The following PRKN variants were observed in gnomAD, a reference collection of about 807,000 sequenced individuals.
The protein encoded by PRKN is parkin RBR E3 ubiquitin protein ligase.
In PRKN, 56 loss-of-function variants were observed where a neutral mutation model predicts 59.5. The observed-to-expected ratio is 0.94, with a 90% CI of 0.76 to 1.18. PRKN has a LOEUF of 1.18. PRKN is among the 50% of genes most tolerant of loss of function. The probability of loss-of-function intolerance (pLI) is 0.00; values close to 1 mark genes in which losing one functional copy is unlikely to be tolerated. For synonymous variants in PRKN, 250 were observed against 222.1 expected (o/e 1.13, Z -1.12); for missense variants, 657 against 596.4 (o/e 1.10, Z -1.06).
intron 1 of PRKN, among the ~76,000 whole-genome samples, chr6:162,604,703 T>G (rs1439882656): frequency 6.6e-6 from 1 of 151,166 alleles, no homozygotes; most frequent in Non-Finnish European, 1.5e-5. Flanking sequence ...TCTCCTTTTT[T>G]TTTTTTTTTT....
intron 3 of PRKN, among the ~76,000 whole-genome samples, chr6:162,226,997 G>A (rs1466139882): frequency 2.0e-5 from 3 of 152,160 alleles, no homozygotes; most frequent in Non-Finnish European, 2.9e-5. Flanking sequence ...AGAAAGTGCT[G>A]ACAGCCGGCT....
intron 2 of PRKN, among the ~76,000 whole-genome samples, chr6:162,414,091 G>T (rs1788488483): frequency 6.6e-6 from 1 of 152,144 alleles, no homozygotes; most frequent in Non-Finnish European, 1.5e-5. Flanking sequence ...GCTGAAGCAG[G>T]AGAATTGCCC....
chr6:161,988,311 A>C (rs1416655965), intron 5 of PRKN, among the ~76,000 whole-genome samples: 1 of 152,064 alleles, frequency 6.6e-6, no homozygotes, highest in East Asian at 1.9e-4. Context: ...ACGTGGTGAA[A>C]ACCCGTCTCT....
chr6:161,729,990 C>G (rs1203909866), intron 7 of PRKN, among the ~76,000 whole-genome samples: 5 of 151,534 alleles, frequency 3.3e-5, no homozygotes, highest in Admixed American at 2.0e-4. Context: ...TGATGTGTTG[C>G]ATTCTGATAT....
chr6:162,116,879 T>G (rs1415809492), intron 4 of PRKN, among the ~76,000 whole-genome samples: 1 of 152,160 alleles, frequency 6.6e-6, no homozygotes, highest in Non-Finnish European at 1.5e-5. Flanking sequence ...ACTGCAAAGA[T>G]CAAATAATAA....
chr6:162,654,018 C>A (rs1778546915), intron 1 of PRKN, among the ~76,000 whole-genome samples: 1 of 152,196 alleles, frequency 6.6e-6, no homozygotes, highest in African/African-American at 2.4e-5. Context: ...AGGTACTTCA[C>A]ATAAAGTAAG....
At chr6:162,564,775 G>A (rs1779990256) in intron 1 of PRKN, among the ~76,000 whole-genome samples, 1 of 151,164 alleles carries the variant, frequency 6.6e-6, no homozygotes. Context: ...AAACATGAAG[G>A]AGAAATAAAG....
At chr6:162,008,427 A>C (rs1278981926) in intron 5 of PRKN, among the ~76,000 whole-genome samples, 1 of 152,160 alleles carries the variant, frequency 6.6e-6, no homozygotes. Context: ...AGAAAGAGGT[A>C]ATTATTCCTC....
intron 2 of PRKN, among the ~76,000 whole-genome samples, chr6:162,367,997 A>G (rs1785546080): frequency 6.6e-6 from 1 of 152,116 alleles, no homozygotes; most frequent in Non-Finnish European, 1.5e-5. Flanking sequence ...GATCACAGAC[A>G]CTTCCAGAAG....
chr6:161,350,259 T>G (rs747573472), intron 11 of PRKN, 48 bp from the exon 12 acceptor site: 1 of 1,332,932 alleles, frequency 7.5e-7, no homozygotes, highest in East Asian at 2.4e-5. Flanking sequence ...AGCAAGTACC[T>G]GGAAAACACG....
intron 6 of PRKN, among the ~76,000 whole-genome samples, chr6:161,942,980 ATCTT>A (rs1779620214): frequency 1.3e-5 from 2 of 152,246 alleles, no homozygotes; most frequent in Non-Finnish European, 2.9e-5. Flanking sequence ...GAAGAAAGAA[ATCTT>A]TATTCTTATC....
intron 3 of PRKN, among the ~76,000 whole-genome samples, chr6:162,204,857 T>G (rs1227172329): frequency 6.6e-6 from 1 of 151,856 alleles, no homozygotes; most frequent in African/African-American, 2.4e-5. Flanking sequence ...TCTTCTTCTT[T>G]TTTTTTTTTC....
At chr6:161,416,222 G>C (rs1179361070) in intron 9 of PRKN, among the ~76,000 whole-genome samples, 1 of 152,126 alleles carries the variant, frequency 6.6e-6, no homozygotes, top group Non-Finnish European at 1.5e-5. Flanking sequence ...AGAATGACCA[G>C]TGGCCCTCAG....
At chr6:161,804,603 G>A (rs919747328) in intron 6 of PRKN, among the ~76,000 whole-genome samples, 1 of 152,174 alleles carries the variant, frequency 6.6e-6, no homozygotes, top group Non-Finnish European at 1.5e-5. Flanking sequence ...GAAGAGATTT[G>A]GAGACAAGGT....
At position 161,397,302 on chromosome 6, in the gene PRKN, G is replaced by A. The variant is rs1363182752; in HGVS notation, c.1084-10425C>T. Among the ~76,000 whole-genome samples, 1 of 152,194 alleles carries A rather than the reference G, an allele frequency of 6.6e-6. No homozygotes were observed. The highest frequency in any genetic ancestry group is 1.5e-5 in the Non-Finnish European group (1 of 68,036). On this transcript the variant is annotated intron_variant, in intron 9 of 11. Transcript: ENST00000366898. This position sits in a 1 kb window ranked among gnomAD's most constrained non-coding sequence, Gnocchi z 4.2. Reference sequence around the variant, plus strand: ...GATGTTTATAAAGCATAAAAGAGCTGAAGGACAATTGTGTACTCCATGATA... The same window carrying A: ...GATGTTTATAAAGCATAAAAGAGCTAAAGGACAATTGTGTACTCCATGATA...
chr6:161,506,464 A>G lies in PRKN; in HGVS notation c.1083+42390T>C, dbSNP rs1171624802. ...GGTTTTCTAGATATACAATCATGTC[A>G]TCTGCAAACAGTGACAATTTGACTT... On this transcript the variant is annotated intron_variant, in intron 9 of 11. Coordinates refer to ENST00000366898, the MANE Select transcript of PRKN (RefSeq NM_004562.3). 2.0e-5 allele frequency among the ~76,000 whole-genome samples: 3 copies of G among 152,218 alleles called. No individual in the cohort carries two copies. The East Asian group carries it at 5.8e-4, about 29-fold the overall frequency.
intron 2 of PRKN, among the ~76,000 whole-genome samples, chr6:162,339,089 CGACCGG>C (rs1177519607): frequency 2.8e-5 from 4 of 145,008 alleles, no homozygotes; most frequent in African/African-American, 1.0e-4. Context: ...GGAGCCCCTC[CGACCGG>C]CAGCCGCCCC....
intron 8 of PRKN, among the ~76,000 whole-genome samples, chr6:161,557,359 T>C (rs925997761): frequency 1.8e-4 from 28 of 152,310 alleles, no homozygotes; most frequent in Non-Finnish European, 3.8e-4. Context: ...TATAATGAAA[T>C]AGATATTGTA....
intron 2 of PRKN, among the ~76,000 whole-genome samples, chr6:162,270,999 A>T (rs866199912): frequency 6.9e-6 from 1 of 145,772 alleles, no homozygotes; most frequent in Non-Finnish European, 1.5e-5. Context: ...ACGCCACTAC[A>T]CCTAGCTAAT....
Sources: gnomAD v4.1 joint callset for allele counts (sites outside exome capture counted in the v4.1 genomes callset) on GRCh38, gnomAD v4.1.1 for gene constraint, Gnocchi (gnomAD v3.1) non-coding constraint, MANE v1.5 for transcripts, NCBI Gene and HGNC (gene_info 2026-07-23, HGNC 2026-07-21) for gene names.